The following LRRFIP1 variants were observed in gnomAD, a reference collection of about 807,000 sequenced individuals.
LRRFIP1 encodes LRR binding FLII interacting protein 1, also known as leucine-rich repeat flightless-interacting protein 1.
Under a neutral mutation model 104.4 loss-of-function variants are expected in LRRFIP1, and 62 were observed. The observed-to-expected ratio is 0.59, with a 90% CI of 0.48 to 0.73. The LOEUF (loss-of-function observed/expected upper bound fraction) is 0.73. LRRFIP1 is among the 30% of genes least tolerant of loss of function. The pLI, the probability that LRRFIP1 is intolerant of heterozygous loss-of-function variation, is 0.00. For missense variants in LRRFIP1, 796 were observed against 824.5 expected, an observed-to-expected ratio of 0.97 and a Z score of 0.42; for synonymous variants, 300 against 299.0, an observed-to-expected ratio of 1.00 and a Z score of -0.03.
rs55706003 is a variant in LRRFIP1 at position 237,771,025 on chromosome 2, T to C, written c.1509+1033T>C. Among the ~76,000 whole-genome samples the C allele has an allele frequency of 1.3e-3, 191 of 152,246 alleles. 1 individual carries two copies. Among genetic ancestry groups the C allele is most frequent in the Non-Finnish European group, 2.5e-3 (167 of 68,018 alleles). ...GATCTTTTGAAACTGCATTCCTGAG[T>C]TCTATCCTTACTTCCTTAAAGCAGC... On this transcript the variant is annotated intron_variant, in intron 20 of 23. Coordinates refer to ENST00000308482, the MANE Select transcript of LRRFIP1 (RefSeq NM_001137550.2).
intron 4 of LRRFIP1, among the ~76,000 whole-genome samples, chr2:237,719,069 T>C (rs2150151878): frequency 6.6e-6 from 1 of 152,328 alleles, no homozygotes; most frequent in South Asian, 2.1e-4. Context: ...GCTTCAGAGA[T>C]GTCCAAGTGT....
At chr2:237,708,811 AC>A in intron 2 of LRRFIP1, 181 bp downstream of exon 2, 1 of 741,162 alleles carries the variant, frequency 1.3e-6, no homozygotes, top group African/African-American at 1.7e-5. Context: ...TAGCACGGAT[AC>A]CAGGCGTGCC....
intron 8 of LRRFIP1, among the ~76,000 whole-genome samples, chr2:237,732,898 A>C (rs529327719): frequency 5.9e-5 from 9 of 152,284 alleles, no homozygotes; most frequent in South Asian, 2.1e-4. Context: ...TGTTTTTACA[A>C]GGTCAGGTTC....
At chr2:237,635,120 C>G (rs1376298047) in intron 1 of LRRFIP1, among the ~76,000 whole-genome samples, 1 of 152,210 alleles carries the variant, frequency 6.6e-6, no homozygotes, top group African/African-American at 2.4e-5. Flanking sequence ...TGGAACACAT[C>G]CTTCAGTAGC....
At chr2:237,653,038 G>A (rs574184302) in intron 1 of LRRFIP1, among the ~76,000 whole-genome samples, 1 of 152,202 alleles carries the variant, frequency 6.6e-6, no homozygotes, top group Admixed American at 6.5e-5. Flanking sequence ...TCTCTCTCCT[G>A]CCGCCATGTG....
rs765170106 is a variant in LRRFIP1, at chr2:237,757,485, G to T, written c.1161G>T (p.Ala387=). The T allele has an allele frequency of 6.3e-7, 1 of 1,596,668 alleles. No individual in the cohort carries two copies. Among genetic ancestry groups the T allele is most frequent in the Non-Finnish European group, 8.5e-7 (1 of 1,171,444 alleles). ...EEIRQLQQKQ[A]SSIREISDLQ... ...TCCGACAGCTACAGCAGAAACAGGCGAGTTCTATCAGGGAGATTTCTGATC... is the reference window on the plus strand; with the variant it reads ...TCCGACAGCTACAGCAGAAACAGGCTAGTTCTATCAGGGAGATTTCTGATC... Residue 387 remains alanine, a synonymous_variant, in exon 17 of 24, where the codon GCG becomes GCT. Transcript: ENST00000308482.
At chr2:237,677,987 C>G (rs2091359857) in intron 1 of LRRFIP1, among the ~76,000 whole-genome samples, 1 of 152,192 alleles carries the variant, frequency 6.6e-6, no homozygotes, top group Non-Finnish European at 1.5e-5. Context: ...TGTTAATACT[C>G]TGAGTCCATT....
rs1337166629 is a variant in LRRFIP1, at chr2:237,703,934, C to T, written c.97-4610C>T. ...TCAAGCAGTCTGACGTGGCTGTGGC[C>T]CGTCATGAGATTTTATATTTTACAA... On this transcript the variant is annotated intron_variant, in intron 1 of 23. Coordinates refer to ENST00000308482, the MANE Select transcript of LRRFIP1 (RefSeq NM_001137550.2). The surrounding 1 kb of genome is among the most constrained non-coding windows in gnomAD (Gnocchi z 4.3). Among the ~76,000 whole-genome samples, 1 of 152,026 alleles carries T rather than the reference C, an allele frequency of 6.6e-6. No individual in the cohort carries two copies. Among genetic ancestry groups the T allele is most frequent in the African/African-American group, 2.4e-5 (1 of 41,380 alleles).
chr2:237,728,017 T>A, intron 8 of LRRFIP1, 82 bp downstream of exon 8: 2 of 985,590 alleles, frequency 2.0e-6, no homozygotes, highest in African/African-American at 1.6e-5. Context: ...TTGCTAAATT[T>A]AAATTTAGCT....
At chr2:237,725,316 A>C (rs2094698647) in intron 7 of LRRFIP1, among the ~76,000 whole-genome samples, 1 of 152,210 alleles carries the variant, frequency 6.6e-6, no homozygotes, top group Admixed American at 6.5e-5. Context: ...GCATGGAACC[A>C]GCAAAGTGAA....
chr2:237,661,679 CA>C lies in LRRFIP1; in HGVS notation c.96+33940del, dbSNP rs1273748995. Among the ~76,000 whole-genome samples the C allele has an allele frequency of 1.3e-5, 2 of 152,192 alleles. No individual in the cohort carries two copies. The highest frequency in any genetic ancestry group is 4.8e-5 in the African/African-American group (2 of 41,444). ...CCATGCACGTTCCGAAAGCACATTC[CA>C]GGGGGACAGTTGTGTCCCTGGTGCA... On this transcript the variant is annotated intron_variant, in intron 1 of 23. Transcript: ENST00000308482. The surrounding 1 kb of genome is among the most constrained non-coding windows in gnomAD (Gnocchi z 4.4).
chr2:237,739,287 G>A lies in LRRFIP1; in HGVS notation c.611G>A (p.Ser204Asn), dbSNP rs774823482. The change falls in exon 11 of 24, where the codon AGC (serine) becomes AAC (asparagine). Residue 204 changes from serine (S) to asparagine (N), a missense_variant. Transcript: ENST00000308482. ...NSSSRASSRA[S>N]SARASPVVEE... ...AGCTCCCGCGCCTCCTCCAGGGCCA[G>A]CTCGGCCCGGGCCAGCCCTGTGGTA... is the stretch of plus-strand genomic sequence containing the variant. 2.6e-6 allele frequency: 4 copies of A among 1,561,972 alleles called. No homozygotes were observed. The highest frequency in any genetic ancestry group is 2.6e-6 in the Non-Finnish European group (3 of 1,153,922).
intron 1 of LRRFIP1, among the ~76,000 whole-genome samples, chr2:237,690,736 C>CAA (rs66463256): frequency 0.22 from 25,139 of 116,050 alleles, 2,504 homozygotes; most frequent in South Asian, 0.35. Context: ...GACTCCATCT[C>CAA]AAAAAAAAAA....
rs1408031228 is a variant in LRRFIP1, at chr2:237,691,945, G to C, written c.97-16599G>C. 6.7e-6 allele frequency among the ~76,000 whole-genome samples: 1 copy of C among 148,912 alleles called. No individual in the cohort carries two copies. The highest frequency in any genetic ancestry group is 1.5e-5 in the Non-Finnish European group (1 of 66,714). On this transcript the variant is annotated intron_variant, in intron 1 of 23. Transcript: ENST00000308482. This position sits in a 1 kb window ranked among gnomAD's most constrained non-coding sequence, Gnocchi z 5.4. ...GGCTCGCGTTAAGGGAGCGCGGAAGGGCGGGACAGGCCGTGGGGCGGGGCC... is the reference window on the plus strand; with the variant it reads ...GGCTCGCGTTAAGGGAGCGCGGAAGCGCGGGACAGGCCGTGGGGCGGGGCC...
intron 1 of LRRFIP1, among the ~76,000 whole-genome samples, chr2:237,671,772 G>A (rs137891751): frequency 1.5e-3 from 220 of 151,708 alleles, no homozygotes; most frequent in South Asian, 1.3e-3. Flanking sequence ...GTGCACACAC[G>A]TGTGCATGCC....
chr2:237,724,744 T>C (rs1309384993), intron 7 of LRRFIP1, among the ~76,000 whole-genome samples: 1 of 152,224 alleles, frequency 6.6e-6, no homozygotes, highest in Non-Finnish European at 1.5e-5. Flanking sequence ...TAAATTTTGT[T>C]TAAGAGCTAG....
intron 1 of LRRFIP1, among the ~76,000 whole-genome samples, chr2:237,688,105 G>C (rs559757227): frequency 2.6e-4 from 39 of 152,356 alleles, no homozygotes; most frequent in African/African-American, 9.4e-4. Flanking sequence ...TTTCAGACAT[G>C]TAATTTTCAT....
intron 1 of LRRFIP1, among the ~76,000 whole-genome samples, chr2:237,632,835 TC>T (rs999191301): frequency 1.3e-5 from 2 of 152,044 alleles, no homozygotes; most frequent in African/African-American, 4.8e-5. Context: ...CCCAATGCAG[TC>T]CCTTGCCCTC....
rs1429616320 is a variant in LRRFIP1, at chr2:237,691,184, T to C, written c.97-17360T>C. 6.6e-6 allele frequency among the ~76,000 whole-genome samples: 1 copy of C among 152,198 alleles called. No individual in the cohort carries two copies. The highest frequency in any genetic ancestry group is 1.5e-5 in the Non-Finnish European group (1 of 68,032). On this transcript the variant is annotated intron_variant, in intron 1 of 23. Transcript: ENST00000308482. The surrounding 1 kb of genome is among the most constrained non-coding windows in gnomAD (Gnocchi z 5.4). ...TGTAAATGTGCTTTAAATTTTACAT[T>C]TCCTGGCGTGGCCAGGACAGGCTGA...
Sources: gnomAD v4.1 joint callset for allele counts (sites outside exome capture counted in the v4.1 genomes callset) on GRCh38, gnomAD v4.1.1 for gene constraint, Gnocchi (gnomAD v3.1) non-coding constraint, MANE v1.5 for transcripts, NCBI Gene and HGNC (gene_info 2026-07-23, HGNC 2026-07-21) for gene names.